RARB: variants seen among roughly 807,000 people sequenced by gnomAD.
The protein encoded by RARB is retinoic acid receptor beta.
A neutral mutation model predicts 51.9 loss-of-function variants in RARB; 17 were observed. The ratio of observed to expected loss-of-function variants is 0.33; its 90% CI spans 0.22 to 0.49. The LOEUF (loss-of-function observed/expected upper bound fraction) is 0.49. RARB is among the 20% of genes least tolerant of loss of function. The probability of loss-of-function intolerance (pLI) is 0.99; values close to 1 mark genes in which losing one functional copy is unlikely to be tolerated. For synonymous variants in RARB, 215 were observed against 195.4 expected (o/e 1.10, Z -0.84); for missense variants, 369 against 550.8 (o/e 0.67, Z 3.30).
rs138855197 is a variant in RARB at position 25,353,466 on chromosome 3, G to A, written c.179-107727G>A. 2.8e-3 allele frequency among the ~76,000 whole-genome samples: 419 copies of A among 152,036 alleles called. 2 individuals carry two copies. Among genetic ancestry groups the A allele is most frequent in the African/African-American group, 9.6e-3 (399 of 41,490 alleles). ...CAGTATCAATACAGATTCCTATGAA[G>A]TTTTTATTTTTTTCTTGTCTTATCT... On this transcript the variant is annotated intron_variant, in intron 5 of 11. Coordinates refer to the RARB transcript ENST00000383772.
chr3:24,999,403 A>G (rs1308067824), intron 2 of RARB, among the ~76,000 whole-genome samples: 1 of 152,184 alleles, frequency 6.6e-6, no homozygotes, highest in Non-Finnish European at 1.5e-5. Context: ...GGATGCCTCA[A>G]AAGACATTTG....
intron 3 of RARB, among the ~76,000 whole-genome samples, chr3:25,520,357 A>G (rs371149507): frequency 4.6e-5 from 7 of 152,134 alleles, no homozygotes; most frequent in Admixed American, 2.0e-4. Context: ...TCCTATCTCA[A>G]CAGTTCAGTA....
At chr3:25,157,262 C>CAACAATATTAACAAAATTAACAATGTT (rs1700390908) in intron 4 of RARB, among the ~76,000 whole-genome samples, 2 of 151,726 alleles carry the variant, frequency 1.3e-5, no homozygotes, top group South Asian at 2.1e-4. Flanking sequence ...TTCATGGAGT[C>CAACAATATTAACAAAATTAACAATGTT]AACAATATTA....
intron 5 of RARB, among the ~76,000 whole-genome samples, chr3:25,270,094 T>C (rs191202452): frequency 2.6e-5 from 4 of 152,328 alleles, no homozygotes; most frequent in Non-Finnish European, 5.9e-5. Context: ...GAGAATAGTA[T>C]GGCAGTTCTT....
At position 25,209,224 on chromosome 3, in the gene RARB, G is replaced by T. The variant is rs190900567; in HGVS notation, c.178+34649G>T. 1.4e-4 allele frequency among the ~76,000 whole-genome samples: 22 copies of T among 152,318 alleles called. No homozygotes were observed. In the East Asian group the frequency reaches 3.7e-3, roughly 25 times the overall value. On this transcript the variant is annotated intron_variant, in intron 5 of 11. Coordinates refer to the RARB transcript ENST00000383772. ...TCCATTTTGCTGGTGACTGAGTCAGGTTAGTCATGCAGAAGATCCCTGGGA... is the reference window on the plus strand; with the variant it reads ...TCCATTTTGCTGGTGACTGAGTCAGTTTAGTCATGCAGAAGATCCCTGGGA...
intron 2 of RARB, among the ~76,000 whole-genome samples, chr3:24,861,594 TAAAAAAAA>T (rs3057186): frequency 7.3e-6 from 1 of 137,836 alleles, no homozygotes. Context: ...TAACTTGTTA[TAAAAAAAA>T]AAAAAAAAAA....
intron 5 of RARB, among the ~76,000 whole-genome samples, chr3:25,186,884 CCTGT>C (rs1700989817): frequency 1.7e-5 from 1 of 58,820 alleles, no homozygotes; most frequent in Admixed American, 2.0e-4. Context: ...AAAAGGTAAG[CCTGT>C]GTGTGTGTGT....
intron 2 of RARB, among the ~76,000 whole-genome samples, chr3:24,892,416 T>G (rs558754578): frequency 6.6e-6 from 1 of 152,064 alleles, no homozygotes; most frequent in African/African-American, 2.4e-5. Flanking sequence ...CTCAGTTGTT[T>G]GCACCAAGCA....
chr3:25,544,536 C>T (rs1699530458), intron 3 of RARB, among the ~76,000 whole-genome samples: 1 of 152,180 alleles, frequency 6.6e-6, no homozygotes, highest in Non-Finnish European at 1.5e-5. Flanking sequence ...CCCTGTGTTG[C>T]TTGTCAGACA....
At chr3:25,186,136 G>A (rs957819702) in intron 5 of RARB, among the ~76,000 whole-genome samples, 31 of 151,656 alleles carry the variant, frequency 2.0e-4, no homozygotes, top group African/African-American at 7.2e-4. Flanking sequence ...CAGAAAAAAA[G>A]ACAACCCCAA....
intron 3 of RARB, among the ~76,000 whole-genome samples, chr3:25,092,389 C>G (rs1301317967): frequency 2.0e-5 from 3 of 152,124 alleles, no homozygotes; most frequent in African/African-American, 7.2e-5. Flanking sequence ...AAAAAAACCT[C>G]TTTCCATATA....
chr3:24,927,924 T>A (rs1559399553), intron 2 of RARB, among the ~76,000 whole-genome samples: 1 of 152,118 alleles, frequency 6.6e-6, no homozygotes, highest in Non-Finnish European at 1.5e-5. Context: ...GTCAAAGGAT[T>A]ACTTTGTTCC....
chr3:25,039,896 G>C (rs1431716515), intron 2 of RARB, among the ~76,000 whole-genome samples: 2 of 152,174 alleles, frequency 1.3e-5, no homozygotes, highest in African/African-American at 4.8e-5. Context: ...TTCGTGGCTG[G>C]GTAGAAGACA....
intron 3 of RARB, among the ~76,000 whole-genome samples, chr3:25,540,075 G>A (rs1699313776): frequency 1.3e-5 from 2 of 152,082 alleles, no homozygotes; most frequent in Admixed American, 6.6e-5. Context: ...TGCATATACC[G>A]AGTGACAACT....
chr3:25,593,834 C>A, intron 6 of RARB, 127 bp downstream of exon 6: 1 of 828,388 alleles, frequency 1.2e-6, no homozygotes, highest in Non-Finnish European at 1.9e-6. Context: ...TAAAGCCAGG[C>A]ATACATGCCT....
At chr3:25,391,409 T>A (rs765010621) in intron 5 of RARB, among the ~76,000 whole-genome samples, 1 of 152,148 alleles carries the variant, frequency 6.6e-6, no homozygotes, top group Non-Finnish European at 1.5e-5. Context: ...AGGTAAATAC[T>A]CAATAGTGGG....
At chr3:25,570,700 A>T (rs1345768392) in intron 4 of RARB, among the ~76,000 whole-genome samples, 1 of 152,166 alleles carries the variant, frequency 6.6e-6, no homozygotes. Context: ...ATGTTCACTG[A>T]TGTATATTTC....
At position 25,521,679 on chromosome 3, in the gene RARB, C is replaced by T. The variant is rs372160785; in HGVS notation, c.448+20356C>T. Reference sequence around the variant, plus strand: ...CCAGAATGTGACACCTAGGGGCCAGCCATGCCCAACTAGCTGGGTGGCCAT... The same window carrying T: ...CCAGAATGTGACACCTAGGGGCCAGTCATGCCCAACTAGCTGGGTGGCCAT... On this transcript the variant is annotated intron_variant, in intron 3 of 7. Transcript: ENST00000330688. Among the ~76,000 whole-genome samples, 80 of 152,254 alleles carry T rather than the reference C, an allele frequency of 5.3e-4. 3 individuals are homozygous for T. The highest frequency in any genetic ancestry group is 3.3e-3 in the East Asian group (17 of 5,180).
intron 4 of RARB, among the ~76,000 whole-genome samples, chr3:25,570,175 G>A (rs751846209): frequency 6.6e-6 from 1 of 152,224 alleles, no homozygotes; most frequent in Non-Finnish European, 1.5e-5. Flanking sequence ...CACTCTAGAT[G>A]CATTAACTGA....
Sources: gnomAD v4.1 joint callset for allele counts (sites outside exome capture counted in the v4.1 genomes callset) on GRCh38, gnomAD v4.1.1 for gene constraint, MANE v1.5 for transcripts, NCBI Gene and HGNC (gene_info 2026-07-23, HGNC 2026-07-21) for gene names.